The following CSMD3 variants were observed in gnomAD, a reference collection of about 807,000 sequenced individuals.
CSMD3 encodes CUB and sushi domain-containing protein 3.
A neutral mutation model predicts 435.2 loss-of-function variants in CSMD3; 177 were observed. That is an observed-to-expected ratio of 0.41 (90% CI 0.36 to 0.46). CSMD3 has a LOEUF of 0.46. Among genes scored for constraint, CSMD3 ranks in the 20% least tolerant of loss-of-function variants. The pLI, the probability that CSMD3 is intolerant of heterozygous loss-of-function variation, is 0.34. For missense variants in CSMD3, 4,265 were observed against 4,504.6 expected (o/e 0.95, Z 1.52); for synonymous variants, 1,656 against 1,520.5 (o/e 1.09, Z -2.07).
At chr8:112,788,237 GC>G (rs1193957581) in intron 13 of CSMD3, among the ~76,000 whole-genome samples, 5 of 152,072 alleles carry the variant, frequency 3.3e-5, no homozygotes, top group African/African-American at 1.2e-4. Context: ...GTGTTCTTTT[GC>G]CTGCATTGGA....
At chr8:113,401,569 G>A (rs1300589024) in intron 1 of CSMD3, among the ~76,000 whole-genome samples, 1 of 151,444 alleles carries the variant, frequency 6.6e-6, no homozygotes, top group Non-Finnish European at 1.5e-5. Context: ...CTTTTTTATA[G>A]TTTCTGTATT....
At chr8:112,543,501 C>T (rs1255133403) in intron 27 of CSMD3, among the ~76,000 whole-genome samples, 1 of 152,034 alleles carries the variant, frequency 6.6e-6, no homozygotes, top group Non-Finnish European at 1.5e-5. Flanking sequence ...CATAACTAAT[C>T]TTCAAGGAAA....
chr8:112,759,181 G>T (rs2077774249), intron 13 of CSMD3, among the ~76,000 whole-genome samples: 1 of 151,980 alleles, frequency 6.6e-6, no homozygotes, highest in Non-Finnish European at 1.5e-5. Flanking sequence ...AGTCCTCCTT[G>T]GTTCTGACTT....
At chr8:112,280,185 C>T (rs1005004154) in intron 59 of CSMD3, among the ~76,000 whole-genome samples, 7 of 152,102 alleles carry the variant, frequency 4.6e-5, no homozygotes, top group East Asian at 1.9e-4. Context: ...ATACAAAAGG[C>T]CCTCCCACTA....
At chr8:112,872,967 A>T (rs2081178906) in intron 10 of CSMD3, among the ~76,000 whole-genome samples, 1 of 151,978 alleles carries the variant, frequency 6.6e-6, no homozygotes, top group South Asian at 2.1e-4. Flanking sequence ...GATGATGTGT[A>T]GTGAAGAAGC....
At chr8:113,092,824 T>C (rs1354823577) in intron 5 of CSMD3, among the ~76,000 whole-genome samples, 2 of 151,944 alleles carry the variant, frequency 1.3e-5, no homozygotes, top group African/African-American at 4.8e-5. Flanking sequence ...GAAACCTGCA[T>C]TAAAAACAAA....
At chr8:112,527,548 A>T (rs1435344741) in intron 27 of CSMD3, among the ~76,000 whole-genome samples, 4 of 151,998 alleles carry the variant, frequency 2.6e-5, no homozygotes, top group African/African-American at 7.2e-5. Flanking sequence ...GATATTGAAT[A>T]ATTAACACTA....
intron 6 of CSMD3, among the ~76,000 whole-genome samples, chr8:112,981,974 C>T (rs16884253): frequency 6.6e-6 from 1 of 151,486 alleles, no homozygotes; most frequent in Non-Finnish European, 1.5e-5. Context: ...TTTCTTAGTA[C>T]AAAAAATATA....
At chr8:113,054,125 CTCT>C (rs2088215377) in intron 5 of CSMD3, among the ~76,000 whole-genome samples, 1 of 152,122 alleles carries the variant, frequency 6.6e-6, no homozygotes, top group Non-Finnish European at 1.5e-5. Context: ...CTTAAATTCT[CTCT>C]TTTTTAATCT....
At chr8:112,307,655 G>C (rs748218342) in intron 50 of CSMD3, among the ~76,000 whole-genome samples, 1 of 152,062 alleles carries the variant, frequency 6.6e-6, no homozygotes, top group Non-Finnish European at 1.5e-5. Flanking sequence ...TAACGTATTT[G>C]AATATGAGTG....
intron 1 of CSMD3, among the ~76,000 whole-genome samples, chr8:113,363,724 T>G (rs1405359886): frequency 6.6e-6 from 1 of 152,208 alleles, no homozygotes; most frequent in African/African-American, 2.4e-5. Context: ...CAGGGTAATC[T>G]CTTCATGTTA....
intron 24 of CSMD3, among the ~76,000 whole-genome samples, chr8:112,569,417 G>A (rs1302350812): frequency 6.6e-6 from 1 of 152,102 alleles, no homozygotes; most frequent in African/African-American, 2.4e-5. Flanking sequence ...ATTAGTTAAA[G>A]CCAAAAGCAA....
chr8:112,323,768 T>A (rs1366999335), intron 45 of CSMD3, among the ~76,000 whole-genome samples: 1 of 152,010 alleles, frequency 6.6e-6, no homozygotes, highest in Non-Finnish European at 1.5e-5. Flanking sequence ...TTACATACAG[T>A]GAAGTGATAG....
chr8:112,403,770 C>T (rs990716612), intron 35 of CSMD3, among the ~76,000 whole-genome samples: 1 of 151,464 alleles, frequency 6.6e-6, no homozygotes, highest in African/African-American at 2.4e-5. Context: ...TGTTGGGGGG[C>T]GGTGGGGTGA....
chr8:113,390,889 T>C (rs2094458616), intron 1 of CSMD3, among the ~76,000 whole-genome samples: 1 of 151,956 alleles, frequency 6.6e-6, no homozygotes, highest in Non-Finnish European at 1.5e-5. Flanking sequence ...TTGAAAACCT[T>C]AGAAGAAATC....
intron 13 of CSMD3, among the ~76,000 whole-genome samples, chr8:112,758,246 T>G (rs973709285): frequency 6.6e-6 from 1 of 150,382 alleles, no homozygotes; most frequent in Non-Finnish European, 1.5e-5. Context: ...CCCAGCTACT[T>G]GGGATGTTAA....
At chr8:113,413,872 G>T (rs971870174) in intron 1 of CSMD3, among the ~76,000 whole-genome samples, 1 of 152,114 alleles carries the variant, frequency 6.6e-6, no homozygotes, top group African/African-American at 2.4e-5. Context: ...AATATTGATC[G>T]AAAGTGTTCG....
chr8:112,523,583 T>C (rs1456277451), intron 27 of CSMD3, among the ~76,000 whole-genome samples: 1 of 152,134 alleles, frequency 6.6e-6, no homozygotes, highest in Admixed American at 6.6e-5. Flanking sequence ...TCCACTTCCC[T>C]ATCTATAAGA....
chr8:113,235,871 AAG>A (rs2093142185), intron 3 of CSMD3, among the ~76,000 whole-genome samples: 1 of 62,446 alleles, frequency 1.6e-5, no homozygotes, highest in Non-Finnish European at 3.1e-5. Flanking sequence ...ACCCTACAGG[AAG>A]GATACCGGCA....
Sources: gnomAD v4.1 joint callset for allele counts (sites outside exome capture counted in the v4.1 genomes callset) on GRCh38, gnomAD v4.1.1 for gene constraint, MANE v1.5 for transcripts, NCBI Gene and HGNC (gene_info 2026-07-23, HGNC 2026-07-21) for gene names.